The following GART variants were observed in gnomAD, a reference collection of about 807,000 sequenced individuals.
GART encodes the protein phosphoribosylglycinamide formyltransferase, phosphoribosylglycinamide synthetase, phosphoribosylaminoimidazole synthetase.
In GART, 43 loss-of-function variants were observed where a neutral mutation model predicts 107.2. That is an observed-to-expected ratio of 0.40 (90% CI 0.31 to 0.52). GART has a LOEUF of 0.52. Among genes scored for constraint, GART ranks in the 20% least tolerant of loss-of-function variants. GART has a pLI of 0.52. For missense variants in GART, 1,107 were observed against 1,206.5 expected (o/e 0.92, Z 1.22); for synonymous variants, 434 against 427.0 (o/e 1.02, Z -0.20).
At chr21:33,517,230 C>T in intron 15 of GART, 89 bp from the exon 16 acceptor site, 3 of 1,556,742 alleles carry the variant, frequency 1.9e-6, no homozygotes, top group African/African-American at 1.4e-5. Context: ...ACCAGCTCTA[C>T]AATAATGACC....
At chr21:33,518,299 G>A (rs1422047858) in intron 14 of GART, among the ~76,000 whole-genome samples, 2 of 152,136 alleles carry the variant, frequency 1.3e-5, no homozygotes, top group African/African-American at 2.4e-5. Flanking sequence ...CCAACATGGC[G>A]AAACTCTGTC....
At chr21:33,529,961 G>A (rs920875920) in intron 7 of GART, among the ~76,000 whole-genome samples, 8 of 151,980 alleles carry the variant, frequency 5.3e-5, no homozygotes, top group African/African-American at 9.7e-5. Flanking sequence ...TTGGGAGGCC[G>A]AGGTGGGCAG....
At chr21:33,532,273 A>T in intron 5 of GART, 72 bp downstream of exon 5, 3 of 1,084,362 alleles carry the variant, frequency 2.8e-6, no homozygotes, top group Non-Finnish European at 4.2e-6. Flanking sequence ...TGTGAGGAAC[A>T]TTTTTTAAAC....
intron 5 of GART, 168 bp downstream of exon 5, chr21:33,532,177 C>T (rs2085204255): frequency 1.2e-5 from 7 of 604,162 alleles, no homozygotes; most frequent in Non-Finnish European, 2.0e-5. Flanking sequence ...AGTGTAAATC[C>T]ATAACTATTT....
At chr21:33,535,878 A>G (rs2085295545) in intron 2 of GART, among the ~76,000 whole-genome samples, 2 of 152,112 alleles carry the variant, frequency 1.3e-5, no homozygotes, top group African/African-American at 4.8e-5. Flanking sequence ...AAATACAAAA[A>G]GTAGCTGGGT....
intron 6 of GART, chr21:33,531,236 T>C: frequency 2.2e-6 from 1 of 446,944 alleles, no homozygotes; most frequent in Non-Finnish European, 3.9e-6. Flanking sequence ...AAAGCATGAA[T>C]GCTTGAATTA....
chr21:33,506,233 T>A (rs2084679664), intron 18 of GART, 129 bp from the exon 19 acceptor site: 2 of 968,466 alleles, frequency 2.1e-6, no homozygotes, highest in Non-Finnish European at 2.9e-6. Flanking sequence ...AACCTCCACC[T>A]CCCGGGTTCA....
At chr21:33,532,319 A>G in intron 5 of GART, 26 bp downstream of exon 5, 1 of 1,537,262 alleles carries the variant, frequency 6.5e-7, no homozygotes, top group Non-Finnish European at 9.0e-7. Flanking sequence ...ATAGAAAAGT[A>G]AATTTTTTCA....
chr21:33,525,111 G>A (rs2085047802), intron 10 of GART, 111 bp from the exon 11 acceptor site: 1 of 1,438,208 alleles, frequency 7.0e-7, no homozygotes, highest in Non-Finnish European at 9.1e-7. Flanking sequence ...ACTTGGCTAG[G>A]TGCGGTGGCT....
intron 4 of GART, among the ~76,000 whole-genome samples, chr21:33,534,217 T>C (rs761545054): frequency 2.6e-5 from 4 of 152,106 alleles, no homozygotes; most frequent in Non-Finnish European, 5.9e-5. Flanking sequence ...CCTGTATATT[T>C]ATTTAATTTT....
In GART at chr21:33,524,904, G is replaced by C; in HGVS notation, c.1163C>G (p.Ala388Gly). 6.2e-7 allele frequency: 1 copy of C among 1,614,140 alleles called. No individual in the cohort carries two copies. Among genetic ancestry groups the C allele is most frequent in the Non-Finnish European group, 8.5e-7 (1 of 1,180,020 alleles). Residue 388 changes from alanine (A) to glycine (G), a missense_variant, in exon 11 of 22, where the codon GCA (alanine) becomes GGA (glycine). Transcript: ENST00000381815. ...KVVTHGGRVL[A>G]VTAIRENLIS... The stretch of plus-strand genomic sequence containing the variant: ...GAGATTTTCCCGGATGGCTGTGACT[G>C]CAAGAACTCTACCCCCATGAGTTAC...
rs774114428 is a variant in GART at position 33,535,278 on chromosome 21, T to C, written c.188A>G (p.Lys63Arg). Reference protein sequence around the residue: ...SDHTALAQFCKEKKIEFVVVG... With the variant: ...SDHTALAQFCREKKIEFVVVG... ...AACTACAAATTCAATTTTCTTCTCTTTGCAGAATTGAGCAAGGGCAGTGTG... is the reference window on the plus strand; with the variant it reads ...AACTACAAATTCAATTTTCTTCTCTCTGCAGAATTGAGCAAGGGCAGTGTG... The change falls in exon 3 of 22, where the codon AAA becomes AGA. Residue 63 changes from lysine (K) to arginine (R), a missense_variant. By Grantham distance (26) the Lys-to-Arg change is conservative. Coordinates refer to ENST00000381815, the MANE Select transcript of GART (RefSeq NM_000819.5). 1.3e-6 allele frequency: 2 copies of C among 1,597,206 alleles called. No individual in the cohort carries two copies. Among genetic ancestry groups the C allele is most frequent in the Non-Finnish European group, 1.7e-6 (2 of 1,174,820 alleles).
intron 10 of GART, among the ~76,000 whole-genome samples, 156 bp downstream of exon 10, chr21:33,528,011 C>G (rs1601209753): frequency 6.6e-6 from 1 of 152,184 alleles, no homozygotes; most frequent in Non-Finnish European, 1.5e-5. Flanking sequence ...GATATTTGAA[C>G]ACACATATCC....
intron 16 of GART, 146 bp from the exon 17 acceptor site, chr21:33,511,604 T>C: frequency 2.6e-6 from 2 of 778,070 alleles, no homozygotes; most frequent in Non-Finnish European, 4.1e-6. Flanking sequence ...CTGAGAACTT[T>C]TTATTTGGGG....
At position 33,520,377 on chromosome 21, in the gene GART, T is replaced by C. The variant is rs199737548; in HGVS notation, c.1689A>G (p.Gly563=). 1.1e-4 allele frequency: 173 copies of C among 1,614,020 alleles called. No homozygotes were observed. The highest frequency in any genetic ancestry group is 1.4e-4 in the Non-Finnish European group (168 of 1,179,992). ...GGCTGATCATACCAAGGAGAGCACATCCAGCTTTTCCACAAGCTTTAGCAA... is the reference window on the plus strand; with the variant it reads ...GGCTGATCATACCAAGGAGAGCACACCCAGCTTTTCCACAAGCTTTAGCAA... ...AGIAKACGKA[G]CALLGGETAE... is the part of the protein sequence containing the mutation. The change falls in exon 14 of 22, where the codon GGA becomes GGG. Residue 563 remains glycine, a synonymous_variant. Transcript: ENST00000381815.
At position 33,534,763 on chromosome 21, in the gene GART, A is replaced by T; in HGVS notation, c.242-10T>A. On this transcript the variant is annotated splice_polypyrimidine_tract_variant and intron_variant, in intron 3 of 21. Transcript: ENST00000381815. ...AGGTTCCCAACAATCCCTATTGATG[A>T]AAACAGTAGCCTTAGGTGAACCAAG... 6.4e-7 allele frequency: 1 copy of T among 1,557,962 alleles called. No individual in the cohort carries two copies. The highest frequency in any genetic ancestry group is 2.0e-5 in the Admixed American group (1 of 49,228).
chr21:33,505,807 C>A, intron 19 of GART, 105 bp from the exon 20 acceptor site: 1 of 1,332,946 alleles, frequency 7.5e-7, no homozygotes, highest in South Asian at 1.4e-5. Context: ...TAAAGATATA[C>A]CTGATAGAGA....
intron 10 of GART, among the ~76,000 whole-genome samples, chr21:33,527,616 CT>C (rs1056663606): frequency 6.6e-6 from 1 of 151,962 alleles, no homozygotes; most frequent in African/African-American, 2.4e-5. Context: ...ACTTACGGCA[CT>C]GGAACTTAGA....
chr21:33,519,477 C>T (rs576070971), intron 14 of GART, among the ~76,000 whole-genome samples: 233 of 151,598 alleles, frequency 1.5e-3, no homozygotes, highest in Non-Finnish European at 2.5e-3. Flanking sequence ...TGGTGTGAAC[C>T]CAGGAGGCAG....
Sources: allele counts gnomAD v4.1 joint callset (sites outside exome capture counted in the v4.1 genomes callset), GRCh38; gene constraint gnomAD v4.1.1; transcripts MANE v1.5; gene names NCBI Gene and HGNC (gene_info 2026-07-23, HGNC 2026-07-21).